Variants in CTBP2 observed in about 807,000 individuals in gnomAD.
CTBP2 encodes the protein C-terminal binding protein 2, also known as C-terminal-binding protein 2.
CTBP2 carries 30 observed loss-of-function variants against 80.3 expected under a neutral mutation model. That is an observed-to-expected ratio of 0.37 (90% CI 0.28 to 0.51). The LOEUF (loss-of-function observed/expected upper bound fraction) is 0.51. Ranked by LOEUF, CTBP2 falls within the 20% of genes least tolerant of loss-of-function variation. CTBP2 has a pLI of 0.93. For synonymous variants in CTBP2, 594 were observed against 587.4 expected (o/e 1.01, Z -0.16); for missense variants, 1,212 against 1,375.3 (o/e 0.88, Z 1.88).
intron 1 of CTBP2, among the ~76,000 whole-genome samples, chr10:125,131,666 T>G (rs1240009736): frequency 6.6e-6 from 1 of 152,174 alleles, no homozygotes; most frequent in African/African-American, 2.4e-5. Flanking sequence ...CTCAACACAT[T>G]AGAATTTGAT....
At chr10:124,995,526 A>G (rs1453077832) in intron 4 of CTBP2, among the ~76,000 whole-genome samples, 1 of 152,222 alleles carries the variant, frequency 6.6e-6, no homozygotes, top group Non-Finnish European at 1.5e-5. Flanking sequence ...AGGTGCAGGC[A>G]GGAGAAGGAC....
At chr10:125,006,261 C>T (rs1054982292) in intron 1 of CTBP2, among the ~76,000 whole-genome samples, 4 of 136,812 alleles carry the variant, frequency 2.9e-5, no homozygotes, top group Non-Finnish European at 6.3e-5. Flanking sequence ...GAAAAGCCAA[C>T]GGGTTCTCAT....
In CTBP2 at chr10:124,988,790, C is replaced by T. The variant is rs1173981085; in HGVS notation, c.*728G>A. On this transcript the variant is annotated 3_prime_UTR_variant, in exon 9 of 9. Transcript: ENST00000309035. Reference sequence around the variant, plus strand: ...AATGCAACATTATTCTTCTTGAACCCTTTTAGCTCAAGACTTTCCACTCAA... The same window carrying T: ...AATGCAACATTATTCTTCTTGAACCTTTTTAGCTCAAGACTTTCCACTCAA... 6.6e-6 allele frequency: 1 copy of T among 152,598 alleles called. No homozygotes were observed. The highest frequency in any genetic ancestry group is 1.9e-4 in the East Asian group (1 of 5,194). The allele number at this position is 152,598 out of a possible 1,614,324, so 9.5% of individuals were successfully genotyped here. A position where few individuals can be genotyped will look rare whatever the true frequency, so the allele number is the denominator to read the frequency against.
At chr10:125,055,422 G>C (rs1963681480) in intron 2 of CTBP2, among the ~76,000 whole-genome samples, 1 of 152,184 alleles carries the variant, frequency 6.6e-6, no homozygotes, top group African/African-American at 2.4e-5. Context: ...GATTTCCTAG[G>C]ATCACGGCAT....
intron 1 of CTBP2, among the ~76,000 whole-genome samples, chr10:125,129,040 A>C (rs967922697): frequency 6.6e-6 from 1 of 152,260 alleles, no homozygotes; most frequent in South Asian, 2.1e-4. Context: ...GTGGCATGAA[A>C]AAAGCTTCAT....
chr10:125,033,502 C>G (rs530253285), intron 3 of CTBP2, among the ~76,000 whole-genome samples: 1 of 152,172 alleles, frequency 6.6e-6, no homozygotes, highest in African/African-American at 2.4e-5. Context: ...GGCAAGAAGC[C>G]GGCAGCAAAA....
chr10:125,042,520 G>A (rs1960140884), intron 2 of CTBP2, among the ~76,000 whole-genome samples: 3 of 152,200 alleles, frequency 2.0e-5, no homozygotes, highest in South Asian at 4.1e-4. Context: ...TGCTGAAATT[G>A]TTCCTCAAAT....
chr10:125,099,332 C>T (rs1400709554), intron 2 of CTBP2, among the ~76,000 whole-genome samples: 1 of 152,242 alleles, frequency 6.6e-6, no homozygotes, highest in African/African-American at 2.4e-5. Context: ...TGTGCAGCGT[C>T]TGGCACGCAT....
chr10:125,067,684 A>G, intron 2 of CTBP2, among the ~76,000 whole-genome samples: 1 of 152,214 alleles, frequency 6.6e-6, no homozygotes. Flanking sequence ...TGGCACGCAT[A>G]ACCCTCATTC....
Position 124,989,550 on chromosome 10 carries a change from C to T in CTBP2, c.2926G>A (p.Gly976Arg), listed in dbSNP as rs749657299. 3.0e-5 allele frequency: 49 copies of T among 1,613,216 alleles called. No individual in the cohort carries two copies. The highest frequency in any genetic ancestry group is 5.3e-5 in the African/African-American group (4 of 74,870). ...TCGTTGGGGTGCTCTCGATTGTCCCCGTGTTTTGTGGGCTGGTTGGGAGAG... is the reference window on the plus strand; with the variant it reads ...TCGTTGGGGTGCTCTCGATTGTCCCTGTGTTTTGTGGGCTGGTTGGGAGAG... The change falls in exon 9 of 9, where the codon GGG becomes AGG. Residue 976 changes from glycine to arginine, a missense_variant. Physicochemically the swap from Gly to Arg is moderately radical, Grantham distance 125 (BLOSUM62 -2). Around this residue, in one of 3 missense-constraint regions of CTBP2, gnomAD observed 335 missense variants for 504.7 expected, o/e 0.66. Transcript: ENST00000309035.
In CTBP2 at chr10:125,026,729, C is replaced by T. The variant is rs148643707; in HGVS notation, c.1031G>A (p.Arg344His). Residue 344 changes from arginine (R) to histidine (H), a missense_variant, in exon 1 of 9, where the codon CGC (arginine) becomes CAC (histidine). Arg to His is a conservative substitution (Grantham distance 29, BLOSUM62 0). Transcript: ENST00000309035. ...TTCGGTCCTGCAGCTATTGGCCAGG[C>T]GGCTCAGAACACGGGCCTGGCCCAG... is the stretch of plus-strand genomic sequence containing the variant. 694 of 1,612,792 alleles carry T rather than the reference C, an allele frequency of 4.3e-4. 3 individuals carry two copies. The highest frequency in any genetic ancestry group is 5.0e-4 in the Admixed American group (30 of 60,006).
In CTBP2 at chr10:124,993,303, G is replaced by A. The variant is rs775134330; in HGVS notation, c.2558C>T (p.Ala853Val). The change falls in exon 7 of 9, where the codon GCC becomes GTC. Residue 853 changes from alanine (A) to valine (V), a missense_variant. Ala to Val is a moderately conservative substitution (Grantham distance 64). This residue lies in a region of CTBP2 where 335 missense variants were observed against 504.7 expected (regional missense o/e 0.66). Transcript: ENST00000309035. ...GTGAGGAGTGCAGATGAGATTCGGG[G>A]CATCTTTCAACGGACCCTGAGCAAA... is the stretch of plus-strand genomic sequence containing the variant. 24 of 1,609,788 alleles carry A rather than the reference G, an allele frequency of 1.5e-5. No individual in the cohort carries two copies. Among genetic ancestry groups the A allele is most frequent in the Non-Finnish European group, 2.0e-5 (23 of 1,176,556 alleles).
Position 125,027,559 on chromosome 10 carries a change from C to G in CTBP2, c.201G>C (p.Glu67Asp). Reference sequence around the variant, plus strand: ...AAACGGCCTCCCGGTACAGGTAGGGCTCGGCGGCCACGGGCAGGGCAGCGT... The same window carrying G: ...AAACGGCCTCCCGGTACAGGTAGGGGTCGGCGGCCACGGGCAGGGCAGCGT... The change falls in exon 1 of 9, where the codon GAG (glutamate) becomes GAC (aspartate). Residue 67 changes from glutamate to aspartate, a missense_variant. Transcript: ENST00000309035. 6.2e-7 allele frequency: 1 copy of G among 1,614,126 alleles called. No homozygotes were observed. The highest frequency in any genetic ancestry group is 1.1e-5 in the South Asian group (1 of 91,078).
At chr10:125,042,342 G>A (rs186026245) in intron 2 of CTBP2, among the ~76,000 whole-genome samples, 1 of 148,172 alleles carries the variant, frequency 6.7e-6, no homozygotes, top group Non-Finnish European at 1.5e-5. Context: ...CAGCACCCCC[G>A]ATCCACGCTG....
At chr10:125,118,699 C>T (rs1231098894) in intron 1 of CTBP2, among the ~76,000 whole-genome samples, 1 of 95,306 alleles carries the variant, frequency 1.0e-5, no homozygotes, top group Non-Finnish European at 2.0e-5. Context: ...TTGAAAGAGA[C>T]CAGTGCAGTG....
chr10:125,155,875 G>A (rs1860824521), intron 1 of CTBP2, among the ~76,000 whole-genome samples: 1 of 152,146 alleles, frequency 6.6e-6, no homozygotes, highest in Non-Finnish European at 1.5e-5. Flanking sequence ...GGAGAAAACT[G>A]ATATCTGCCA....
chr10:124,992,502 TTC>T (rs930009706), intron 8 of CTBP2, among the ~76,000 whole-genome samples, 191 bp downstream of exon 10: 34 of 152,236 alleles, frequency 2.2e-4, no homozygotes, highest in Admixed American at 7.2e-4. Context: ...AAATAGGAGC[TTC>T]TGTTTGTTCC....
At chr10:125,141,635 A>G (rs2133271599) in intron 1 of CTBP2, among the ~76,000 whole-genome samples, 1 of 152,252 alleles carries the variant, frequency 6.6e-6, no homozygotes, top group South Asian at 2.1e-4. Flanking sequence ...GCAAGCACAC[A>G]GTAAACACAC....
At position 125,026,779 on chromosome 10, in the gene CTBP2, C is replaced by T. The variant is rs537434125; in HGVS notation, c.981G>A (p.Ala327=). The change falls in exon 1 of 9, where the codon GCG becomes GCA. Residue 327 remains alanine (A), a synonymous_variant. Transcript: ENST00000309035. ...GGTTGGGTGCGACAGACTTGATATC[C>T]GCGTCCTCCAGGGTAGCCAGGACGG... The T allele has an allele frequency of 1.9e-5, 31 of 1,613,132 alleles. No homozygotes were observed. The highest frequency in any genetic ancestry group is 2.2e-5 in the South Asian group (2 of 91,092).
Sources: allele counts gnomAD v4.1 joint callset (sites outside exome capture counted in the v4.1 genomes callset), GRCh38; gene constraint gnomAD v4.1.1; regional missense constraint gnomAD v4.1.1; transcripts MANE v1.5; gene names NCBI Gene and HGNC (gene_info 2026-07-23, HGNC 2026-07-21).